The following TBC1D9B variants were observed in gnomAD, a reference collection of about 807,000 sequenced individuals.
TBC1D9B encodes TBC1 domain family, member 9B (with GRAM domain).
A neutral mutation model predicts 121.1 loss-of-function variants in TBC1D9B; 87 were observed. The ratio of observed to expected loss-of-function variants is 0.72; its 90% CI spans 0.60 to 0.86. The LOEUF is 0.86. Ranked by LOEUF, TBC1D9B falls within the 40% of genes least tolerant of loss-of-function variation. The pLI is 0.00. For missense variants in TBC1D9B, 1,540 were observed against 1,628.6 expected, an observed-to-expected ratio of 0.95 and a Z score of 0.94; for synonymous variants, 668 against 670.1, an observed-to-expected ratio of 1.00 and a Z score of 0.05.
rs368661137 is a variant in TBC1D9B at position 179,893,435 on chromosome 5, G to A, written c.610C>T (p.Arg204Cys). The change falls in exon 5 of 21, where the codon CGT becomes TGT. Residue 204 changes from arginine (R) to cysteine (C), a missense_variant. Transcript: ENST00000355235. ...AGCAGGGTGGCGTTCTTCTCCAGACGCGTTATGTCCACCCACTGCACCACG... is the reference window on the plus strand; with the variant it reads ...AGCAGGGTGGCGTTCTTCTCCAGACACGTTATGTCCACCCACTGCACCACG... The part of the protein sequence containing the change: ...SLVVQWVDIT[R>C]LEKNATLLFP... 2.4e-5 allele frequency: 39 copies of A among 1,612,010 alleles called. No homozygotes were observed. The highest frequency in any genetic ancestry group is 1.3e-4 in the African/African-American group (10 of 74,902).
intron 6 of TBC1D9B, among the ~76,000 whole-genome samples, chr5:179,889,945 G>C (rs902260818): frequency 6.6e-6 from 1 of 151,578 alleles, no homozygotes; most frequent in Admixed American, 6.6e-5. Context: ...AGCAGATGAT[G>C]GTGTCTTAGG....
chr5:179,887,058 A>C (rs1241918531), intron 7 of TBC1D9B, among the ~76,000 whole-genome samples: 1 of 152,232 alleles, frequency 6.6e-6, no homozygotes, highest in Non-Finnish European at 1.5e-5. Context: ...CTAGAAAACC[A>C]ACTCATCATT....
Position 179,863,904 on chromosome 5 carries a change from A to C in TBC1D9B, c.3246T>G (p.Leu1082=). The change falls in exon 21 of 21, where the codon CTT becomes CTG. Residue 1082 remains leucine (L), a synonymous_variant. Transcript: ENST00000355235. The surrounding 1 kb of genome is among the most constrained non-coding windows in gnomAD (Gnocchi z 4.5). ...PELHQDAARE[L]QPPAAGDPQA... ...GGGGGTCTCCTGCAGCTGGGGGCTG[A>C]AGCTCCCTGGCTGCGTCCTGATGCA... is the stretch of plus-strand genomic sequence containing the variant. 6.2e-7 allele frequency: 1 copy of C among 1,613,270 alleles called. No homozygotes were observed. Among genetic ancestry groups the C allele is most frequent in the African/African-American group, 1.3e-5 (1 of 74,998 alleles).
In TBC1D9B at chr5:179,891,655, C is replaced by A. The variant is rs552238225; in HGVS notation, c.837-69G>T. 1.3e-6 allele frequency: 2 copies of A among 1,555,924 alleles called. No homozygotes were observed. The highest frequency in any genetic ancestry group is 4.5e-5 in the East Asian group (2 of 44,242). ...CAGGACCAGCACACTCTCAAGGAAG[C>A]CTTGGGGCCTCCCCAGGCCTGTTTC... On this transcript the variant is annotated intron_variant, in intron 5 of 20. Transcript: ENST00000355235. The surrounding 1 kb of genome is among the most constrained non-coding windows in gnomAD (Gnocchi z 4.3).
chr5:179,881,088 G>A (rs929869853), intron 7 of TBC1D9B, among the ~76,000 whole-genome samples: 10 of 152,180 alleles, frequency 6.6e-5, no homozygotes, highest in African/African-American at 2.2e-4. Context: ...CGGGTGTGTG[G>A]CGTGCAGCCA....
Position 179,890,671 on chromosome 5 carries a change from TAAAC to T in TBC1D9B, c.1044+704_1044+707del, listed in dbSNP as rs1760837876. On this transcript the variant is annotated intron_variant, in intron 6 of 20. Transcript: ENST00000355235. The surrounding 1 kb of genome is among the most constrained non-coding windows in gnomAD (Gnocchi z 5.0). Reference sequence around the variant, plus strand: ...AATCTCACTTGATTCTTCTTATAATTAAACAGTCAGAGCCCTGCTTGGCCACAAG... The same window carrying T: ...AATCTCACTTGATTCTTCTTATAATTAGTCAGAGCCCTGCTTGGCCACAAG... Among the ~76,000 whole-genome samples the T allele has an allele frequency of 6.6e-6, 1 of 152,194 alleles. No homozygotes were observed. The highest frequency in any genetic ancestry group is 2.4e-5 in the African/African-American group (1 of 41,442).
chr5:179,891,333 C>T lies in TBC1D9B; in HGVS notation c.1044+46G>A, dbSNP rs368313762. 1.9e-6 allele frequency: 3 copies of T among 1,609,056 alleles called. No individual in the cohort carries two copies. The highest frequency in any genetic ancestry group is 1.3e-5 in the African/African-American group (1 of 74,966). ...AGGCTGGTCCCTGAGCCCACTGACA[C>T]CTCGGGGCTGGAAAGGCCTTGGCCT... On this transcript the variant is annotated intron_variant, in intron 6 of 20. Coordinates refer to ENST00000355235, the MANE Select transcript of TBC1D9B (RefSeq NM_015043.4). The surrounding 1 kb of genome is among the most constrained non-coding windows in gnomAD (Gnocchi z 4.3).
At chr5:179,877,215 T>C (rs955210203) in intron 10 of TBC1D9B, among the ~76,000 whole-genome samples, 3 of 150,650 alleles carry the variant, frequency 2.0e-5, no homozygotes, top group African/African-American at 7.3e-5. Context: ...TGAGACCCCA[T>C]GTCTAAAAAA....
intron 10 of TBC1D9B, among the ~76,000 whole-genome samples, chr5:179,876,840 G>A (rs888333634): frequency 6.6e-6 from 1 of 152,098 alleles, no homozygotes; most frequent in African/African-American, 2.4e-5. Flanking sequence ...GGAGGCTGAG[G>A]AGGTCGGATC....
In TBC1D9B at chr5:179,879,477, G is replaced by A. The variant is rs552760322; in HGVS notation, c.1416+151C>T. 3.2e-5 allele frequency: 41 copies of A among 1,265,402 alleles called. 1 individual carries two copies. The highest frequency in any genetic ancestry group is 2.8e-4 in the Middle Eastern group (1 of 3,574). The allele number at this position is 1,265,402 out of a possible 1,614,324, so 78.4% of individuals were successfully genotyped here. ...GAGCCCCCCAGAGAGTGCCTGCTCC[G>A]TCTCACGCTGCCAGGGTGCAGCCTG... is the stretch of plus-strand genomic sequence containing the variant. On this transcript the variant is annotated intron_variant, in intron 8 of 20. Coordinates refer to ENST00000355235, the MANE Select transcript of TBC1D9B (RefSeq NM_015043.4).
chr5:179,896,541 T>C (rs1761021557), intron 3 of TBC1D9B, among the ~76,000 whole-genome samples: 2 of 152,222 alleles, frequency 1.3e-5, no homozygotes, highest in Non-Finnish European at 2.9e-5. Context: ...CTTTTTTTTT[T>C]AGACAGGGTC....
In TBC1D9B at chr5:179,863,456, A is replaced by C. The variant is rs1231800773; in HGVS notation, c.3694T>G (p.Ser1232Ala). ...CCTCACAGCTGCAGGCATCAGCCGG[A>C]AACTCCAGGCTGCTCATGGTCACTG... The part of the protein sequence containing the change: ...TASDHEQPGV[S>A]G Residue 1232 changes from serine to alanine, a missense_variant, in exon 21 of 21, where the codon TCC (serine) becomes GCC (alanine). Coordinates refer to ENST00000355235, the MANE Select transcript of TBC1D9B (RefSeq NM_015043.4). The surrounding 1 kb of genome is among the most constrained non-coding windows in gnomAD (Gnocchi z 4.5). 6.2e-7 allele frequency: 1 copy of C among 1,613,196 alleles called. No individual in the cohort carries two copies. The highest frequency in any genetic ancestry group is 1.3e-5 in the African/African-American group (1 of 74,904).
intron 9 of TBC1D9B, 74 bp downstream of exon 9, chr5:179,878,973 A>G: frequency 6.5e-7 from 1 of 1,547,798 alleles, no homozygotes; most frequent in Admixed American, 1.8e-5. Context: ...GGCTCAGGAC[A>G]GACGAGCTCA....
chr5:179,879,383 C>T, intron 8 of TBC1D9B, 186 bp from the exon 9 acceptor site: 1 of 1,088,728 alleles, frequency 9.2e-7, no homozygotes. Context: ...AGACCAGCTC[C>T]TCAGCGGGAG....
rs1479607512 is a variant in TBC1D9B at position 179,865,809 on chromosome 5, T to C, written c.2914+29A>G. 1 of 1,574,786 alleles carries C rather than the reference T, an allele frequency of 6.4e-7. No individual in the cohort carries two copies. The highest frequency in any genetic ancestry group is 8.6e-7 in the Non-Finnish European group (1 of 1,160,126). On this transcript the variant is annotated intron_variant, in intron 19 of 20. Transcript: ENST00000355235. The surrounding 1 kb of genome is among the most constrained non-coding windows in gnomAD (Gnocchi z 5.1). ...AAGGGTGCCTCAACGCTGGGGTCTC[T>C]AAGAACAGCGGCAGAGAATGGCCTG...
intron 14 of TBC1D9B, chr5:179,872,402 C>CAGAGG: frequency 5.8e-6 from 1 of 173,180 alleles, no homozygotes; most frequent in African/African-American, 2.4e-5. Context: ...TGCAGGAGGG[C>CAGAGG]TGGGAATGTG....
chr5:179,876,373 A>T (rs1393992514), intron 10 of TBC1D9B, among the ~76,000 whole-genome samples: 1 of 152,170 alleles, frequency 6.6e-6, no homozygotes, highest in Non-Finnish European at 1.5e-5. Context: ...GAAACCAGAG[A>T]AGGTGAACAT....
chr5:179,905,865 A>AAC (rs1184737332), intron 1 of TBC1D9B, among the ~76,000 whole-genome samples: 1 of 152,170 alleles, frequency 6.6e-6, no homozygotes, highest in Non-Finnish European at 1.5e-5. Context: ...ATTCAACTTT[A>AAC]ACACTTTTGT....
chr5:179,897,154 G>A lies in TBC1D9B; in HGVS notation c.348+2035C>T, dbSNP rs558672622. On this transcript the variant is annotated intron_variant, in intron 3 of 20. Coordinates refer to ENST00000355235, the MANE Select transcript of TBC1D9B (RefSeq NM_015043.4). Reference sequence around the variant, plus strand: ...GATCTCCTGACCTCGTGATCCGCCCGCCTCGGCCTCCAAAAGTGCTGGGAT... The same window carrying A: ...GATCTCCTGACCTCGTGATCCGCCCACCTCGGCCTCCAAAAGTGCTGGGAT... Among the ~76,000 whole-genome samples, 81 of 152,064 alleles carry A rather than the reference G, an allele frequency of 5.3e-4. 1 individual carries two copies. The highest frequency in any genetic ancestry group is 1.0e-3 in the Non-Finnish European group (68 of 67,984).
Sources: gnomAD v4.1 joint callset for allele counts (sites outside exome capture counted in the v4.1 genomes callset) on GRCh38, gnomAD v4.1.1 for gene constraint, Gnocchi (gnomAD v3.1) non-coding constraint, MANE v1.5 for transcripts, NCBI Gene and HGNC (gene_info 2026-07-23, HGNC 2026-07-21) for gene names.